The following EPO variants were observed in gnomAD, a reference collection of about 807,000 sequenced individuals.
EPO encodes erythropoietin.
EPO carries 12 observed loss-of-function variants against 24.4 expected under a neutral mutation model. That is an observed-to-expected ratio of 0.49 (90% CI 0.32 to 0.80). The LOEUF is 0.80. Among genes scored for constraint, EPO ranks in the 30% least tolerant of loss-of-function variants. The pLI, the probability that EPO is intolerant of heterozygous loss-of-function variation, is 0.04. For synonymous variants in EPO, 107 were observed against 104.0 expected (o/e 1.03, Z -0.18); for missense variants, 210 against 238.0 (o/e 0.88, Z 0.77).
chr7:100,722,535 A>T, intron 3 of EPO, 129 bp from the exon 4 acceptor site: 2 of 667,330 alleles, frequency 3.0e-6, no homozygotes, highest in Non-Finnish European at 5.2e-6. Context: ...TCACTCATTC[A>T]TTCATTCATT....
Position 100,721,569 on chromosome 7 carries a change from T to G in EPO, c.25T>G (p.Trp9Gly), listed in dbSNP as rs1562901366. Residue 9 changes from tryptophan (W) to glycine (G), a missense_variant, in exon 2 of 5, where the codon TGG becomes GGG. Transcript: ENST00000252723. The surrounding 1 kb of genome is among the most constrained non-coding windows in gnomAD (Gnocchi z 4.0). Reference sequence around the variant, plus strand: ...GCTATCTGTTCTAGAATGTCCTGCCTGGCTGTGGCTTCTCCTGTCCCTGCT... The same window carrying G: ...GCTATCTGTTCTAGAATGTCCTGCCGGGCTGTGGCTTCTCCTGTCCCTGCT... MGVHECPA[W>G]LWLLLSLLSL... The G allele has an allele frequency of 1.9e-6, 3 of 1,613,930 alleles. No individual in the cohort carries two copies. The highest frequency in any genetic ancestry group is 2.5e-6 in the Non-Finnish European group (3 of 1,180,016).
intron 3 of EPO, among the ~76,000 whole-genome samples, chr7:100,722,408 C>A (rs1806755298): frequency 6.6e-6 from 1 of 152,040 alleles, no homozygotes; most frequent in African/African-American, 2.4e-5. Context: ...TGTGATCACA[C>A]CACTGCACTC....
chr7:100,721,527 G>T lies in EPO; in HGVS notation c.14-31G>T, dbSNP rs758615230. 3 of 1,607,230 alleles carry T rather than the reference G, an allele frequency of 1.9e-6. No individual in the cohort carries two copies. Among genetic ancestry groups the T allele is most frequent in the African/African-American group, 1.3e-5 (1 of 74,886 alleles). ...TCCACAGCCACCCTTCTCCCTCCCC[G>T]CCTGACTCTCAGCCTGGCTATCTGT... is the stretch of plus-strand genomic sequence containing the variant. On this transcript the variant is annotated intron_variant, in intron 1 of 4. Coordinates refer to ENST00000252723, the MANE Select transcript of EPO (RefSeq NM_000799.4). The surrounding 1 kb of genome is among the most constrained non-coding windows in gnomAD (Gnocchi z 4.0).
chr7:100,721,178 G>GA lies in EPO; in HGVS notation c.13+186dup, dbSNP rs1806734480. Among the ~76,000 whole-genome samples, 3 of 152,142 alleles carry GA rather than the reference G, an allele frequency of 2.0e-5. No individual in the cohort carries two copies. The highest frequency in any genetic ancestry group is 1.3e-4 in the Admixed American group (2 of 15,272). ...GCGGGGACTTGGGGGAGTCCTTGGGGATGGCAAAAACCTGACCTGTGAAGG... is the reference window on the plus strand; with the variant it reads ...GCGGGGACTTGGGGGAGTCCTTGGGGAATGGCAAAAACCTGACCTGTGAAGG... On this transcript the variant is annotated intron_variant, in intron 1 of 4. Coordinates refer to ENST00000252723, the MANE Select transcript of EPO (RefSeq NM_000799.4). This position sits in a 1 kb window ranked among gnomAD's most constrained non-coding sequence, Gnocchi z 4.0.
At chr7:100,722,558 C>A in intron 3 of EPO, 106 bp from the exon 4 acceptor site, 2 of 843,914 alleles carry the variant, frequency 2.4e-6, no homozygotes, top group South Asian at 1.7e-5. Context: ...TTCAACAAGT[C>A]TTATTGCATA....
Position 100,721,827 on chromosome 7 carries a change from A to G in EPO, c.159+124A>G, listed in dbSNP as rs1806745267. On this transcript the variant is annotated intron_variant, in intron 2 of 4. Coordinates refer to ENST00000252723, the MANE Select transcript of EPO (RefSeq NM_000799.4). This position sits in a 1 kb window ranked among gnomAD's most constrained non-coding sequence, Gnocchi z 4.0. ...TTGGGAAGCTAGACACTGCCCCCCT[A>G]CATAAGAATAAGTCTGGTGGCCCCA... The G allele has an allele frequency of 6.7e-7, 1 of 1,496,406 alleles. No individual in the cohort carries two copies. Among genetic ancestry groups the G allele is most frequent in the East Asian group, 2.3e-5 (1 of 43,898 alleles). The allele number at this position is 1,496,406 out of a possible 1,614,324, so 92.7% of individuals were successfully genotyped here. A position where few individuals can be genotyped will look rare whatever the true frequency, so the allele number is the denominator to read the frequency against.
In EPO at chr7:100,721,850, C is replaced by T; in HGVS notation, c.160-112C>T. 6.6e-7 allele frequency: 1 copy of T among 1,510,938 alleles called. No homozygotes were observed. The highest frequency in any genetic ancestry group is 2.1e-5 in the Admixed American group (1 of 47,006). 93.6% of individuals were successfully genotyped at this position (1,510,938 alleles called of 1,614,324 possible). ...CTACATAAGAATAAGTCTGGTGGCC[C>T]CAAACCATACCTGGAAACTAGGCAA... On this transcript the variant is annotated intron_variant, in intron 2 of 4. Transcript: ENST00000252723. The surrounding 1 kb of genome is among the most constrained non-coding windows in gnomAD (Gnocchi z 4.0).
At position 100,721,932 on chromosome 7, in the gene EPO, C is replaced by T; in HGVS notation, c.160-30C>T. ...GGCCAGGGCCAGAGCCTTCAGGGACCCTTGACTCCCCGGGCTGTGTGCATT... is the reference window on the plus strand; with the variant it reads ...GGCCAGGGCCAGAGCCTTCAGGGACTCTTGACTCCCCGGGCTGTGTGCATT... On this transcript the variant is annotated intron_variant, in intron 2 of 4. Transcript: ENST00000252723. The surrounding 1 kb of genome is among the most constrained non-coding windows in gnomAD (Gnocchi z 4.0). The T allele has an allele frequency of 6.3e-7, 1 of 1,592,364 alleles. No homozygotes were observed. Among genetic ancestry groups the T allele is most frequent in the African/African-American group, 1.4e-5 (1 of 73,514 alleles).
Position 100,721,098 on chromosome 7 carries a change from C to A in EPO, c.13+105C>A. On this transcript the variant is annotated intron_variant, in intron 1 of 4. Coordinates refer to ENST00000252723, the MANE Select transcript of EPO (RefSeq NM_000799.4). This position sits in a 1 kb window ranked among gnomAD's most constrained non-coding sequence, Gnocchi z 4.0. ...GGAGGTGGCTGGGTTCAAGGACCGG[C>A]GACTTGTCAAGGACCCCGGAAGGGG... The A allele has an allele frequency of 7.7e-7, 1 of 1,298,486 alleles. No individual in the cohort carries two copies. Among genetic ancestry groups the A allele is most frequent in the Non-Finnish European group, 1.0e-6 (1 of 989,910 alleles). The allele number at this position is 1,298,486 out of a possible 1,614,324, so 80.4% of individuals were successfully genotyped here.
rs484199 is a variant in EPO at position 100,722,528 on chromosome 7, C to T, written c.247-136C>T. On this transcript the variant is annotated intron_variant, in intron 3 of 4. Coordinates refer to ENST00000252723, the MANE Select transcript of EPO (RefSeq NM_000799.4). ...ATTCATTCACTCACTCACTCACTCACTCATTCATTCATTCATTCATTCAAC... is the reference window on the plus strand; with the variant it reads ...ATTCATTCACTCACTCACTCACTCATTCATTCATTCATTCATTCATTCAAC... The T allele has an allele frequency of 0.079, 27,669 of 351,634 alleles. 870 individuals are homozygous for T. The highest frequency in any genetic ancestry group is 0.22 in the Middle Eastern group (313 of 1,442). 21.8% of individuals were successfully genotyped at this position (351,634 alleles called of 1,614,324 possible). A position where few individuals can be genotyped will look rare whatever the true frequency, so the allele number is the denominator to read the frequency against.
Position 100,722,759 on chromosome 7 carries a change from G to T in EPO, c.342G>T (p.Pro114=). Residue 114 remains proline (P), a synonymous_variant, in exon 4 of 5, where the codon CCG becomes CCT. Coordinates refer to ENST00000252723, the MANE Select transcript of EPO (RefSeq NM_000799.4). The stretch of plus-strand genomic sequence containing the variant: ...CCCTGTTGGTCAACTCTTCCCAGCC[G>T]TGGGAGCCCCTGCAGCTGCATGTGG... The part of the protein sequence containing the change: ...GQALLVNSSQ[P]WEPLQLHVDK... 1 of 1,614,032 alleles carries T rather than the reference G, an allele frequency of 6.2e-7. No individual in the cohort carries two copies. Among genetic ancestry groups the T allele is most frequent in the Non-Finnish European group, 8.5e-7 (1 of 1,180,002 alleles).
At chr7:100,722,620 AG>A (rs751230845) in intron 3 of EPO, 43 bp from the exon 4 acceptor site, 1 of 1,525,182 alleles carries the variant, frequency 6.6e-7, no homozygotes, top group African/African-American at 1.4e-5. Context: ...CAGGAGGGAG[AG>A]GGTGACATGG....
Position 100,723,142 on chromosome 7 carries a change from G to A in EPO, c.*9G>A, listed in dbSNP as rs1297221531. On this transcript the variant is annotated 3_prime_UTR_variant, in exon 5 of 5. Transcript: ENST00000252723. ...GGACAGGGGACAGATGACCAGGTGT[G>A]TCCACCTGGGCATATCCACCACCTC... is the stretch of plus-strand genomic sequence containing the variant. 7 of 1,612,004 alleles carry A rather than the reference G, an allele frequency of 4.3e-6. No homozygotes were observed. The highest frequency in any genetic ancestry group is 5.9e-6 in the Non-Finnish European group (7 of 1,178,912).
Position 100,720,692 on chromosome 7 carries a change from C to CA in EPO, c.-288dup, listed in dbSNP as rs554028677. 6.7e-4 allele frequency: 242 copies of CA among 360,714 alleles called. 1 individual carries two copies. In the East Asian group the frequency reaches 0.01, roughly 15 times the overall value. 22.3% of individuals were successfully genotyped at this position (360,714 alleles called of 1,614,324 possible). On this transcript the variant is annotated 5_prime_UTR_variant, in exon 1 of 5. Transcript: ENST00000252723. ...ACGCACACAGCCTCTCCCCCACCCC[C>CA]ACCCGCGCACGCACACATGCAGATA...
chr7:100,722,184 CACGTCT>C, intron 3 of EPO, 136 bp downstream of exon 3: 1 of 800,738 alleles, frequency 1.2e-6, no homozygotes, highest in Non-Finnish European at 1.9e-6. Context: ...CGCAGAGGCT[CACGTCT>C]ATAATCCCAG....
intron 3 of EPO, 102 bp from the exon 4 acceptor site, chr7:100,722,562 T>C (rs1039324786): frequency 1.2e-4 from 108 of 886,362 alleles, no homozygotes; most frequent in Non-Finnish European, 1.7e-4. Flanking sequence ...ACAAGTCTTA[T>C]TGCATACCTT....
rs760482243 is a variant in EPO, at chr7:100,722,062, T to G, written c.246+14T>G. On this transcript the variant is annotated intron_variant, in intron 3 of 4. Coordinates refer to ENST00000252723, the MANE Select transcript of EPO (RefSeq NM_000799.4). ...AAGAGGATGGAGGTGAGTTCCTTTT[T>G]TTTTTTTTTTCCTTTCTTTTGGAGA... is the stretch of plus-strand genomic sequence containing the variant. 1 of 1,575,888 alleles carries G rather than the reference T, an allele frequency of 6.3e-7. No homozygotes were observed.
At position 100,721,649 on chromosome 7, in the gene EPO, C is replaced by T. The variant is rs1268260596; in HGVS notation, c.105C>T (p.Asp35=). 5.6e-6 allele frequency: 9 copies of T among 1,613,572 alleles called. No homozygotes were observed. The highest frequency in any genetic ancestry group is 5.1e-6 in the Non-Finnish European group (6 of 1,180,014). Residue 35 remains aspartate (D), a synonymous_variant, in exon 2 of 5, where the codon GAC becomes GAT. Coordinates refer to ENST00000252723, the MANE Select transcript of EPO (RefSeq NM_000799.4). This position sits in a 1 kb window ranked among gnomAD's most constrained non-coding sequence, Gnocchi z 4.0. The part of the protein sequence containing the change: ...VLGAPPRLIC[D]SRVLERYLLE... ...GCGCCCCACCACGCCTCATCTGTGA[C>T]AGCCGAGTCCTGGAGAGGTACCTCT... is the stretch of plus-strand genomic sequence containing the variant.
chr7:100,722,632 G>A lies in EPO; in HGVS notation c.247-32G>A, dbSNP rs377400169. On this transcript the variant is annotated intron_variant, in intron 3 of 4. Coordinates refer to ENST00000252723, the MANE Select transcript of EPO (RefSeq NM_000799.4). ...GGGCAGGAGGGAGAGGGTGACATGGGTCAGCTGACTCCCAGAGTCCACTCC... is the reference window on the plus strand; with the variant it reads ...GGGCAGGAGGGAGAGGGTGACATGGATCAGCTGACTCCCAGAGTCCACTCC... 51 of 1,552,042 alleles carry A rather than the reference G, an allele frequency of 3.3e-5. No individual in the cohort carries two copies. The African/African-American group carries it at 6.0e-4, about 18-fold the overall frequency.
Sources: allele counts gnomAD v4.1 joint callset (sites outside exome capture counted in the v4.1 genomes callset), GRCh38; gene constraint gnomAD v4.1.1; non-coding constraint Gnocchi (gnomAD v3.1); transcripts MANE v1.5; gene names NCBI Gene and HGNC (gene_info 2026-07-23, HGNC 2026-07-21).